The following CEP162 variants were observed in gnomAD, a reference collection of about 807,000 sequenced individuals.
CEP162 encodes the protein centrosomal protein 162.
A neutral mutation model predicts 169.2 loss-of-function variants in CEP162; 141 were observed. That is an observed-to-expected ratio of 0.83 (90% CI 0.73 to 0.96). The LOEUF (loss-of-function observed/expected upper bound fraction) is 0.96, where lower values mean the gene tolerates loss of function less well. CEP162 is among the 40% of genes least tolerant of loss of function. The pLI, the probability that CEP162 is intolerant of heterozygous loss-of-function variation, is 0.00. For missense variants in CEP162, 1,600 were observed against 1,587.2 expected (o/e 1.01, Z -0.14); for synonymous variants, 540 against 526.4 (o/e 1.03, Z -0.35).
intron 11 of CEP162, among the ~76,000 whole-genome samples, chr6:84,189,473 A>G (rs1037432175): frequency 1.1e-4 from 16 of 152,332 alleles, no homozygotes; most frequent in African/African-American, 3.6e-4. Flanking sequence ...GCAGCCAGCC[A>G]GCCCTGCTGG....
chr6:84,202,112 C>T (rs1312712389), intron 7 of CEP162, among the ~76,000 whole-genome samples: 1 of 152,176 alleles, frequency 6.6e-6, no homozygotes, highest in African/African-American at 2.4e-5. Context: ...AGAGCTATTT[C>T]ACACAAGAGT....
rs752799357 is a variant in CEP162 at position 84,125,025 on chromosome 6, A to C, written c.*45T>G. On this transcript the variant is annotated 3_prime_UTR_variant, in exon 27 of 27. Coordinates refer to ENST00000403245, the MANE Select transcript of CEP162 (RefSeq NM_014895.4). ...TCCTGACAGTGGCACAATCCCATCC[A>C]TCTTCAGGCCTTTTAATAAGGTCAT... The C allele has an allele frequency of 7.1e-7, 1 of 1,415,044 alleles. No individual in the cohort carries two copies. Among genetic ancestry groups the C allele is most frequent in the Non-Finnish European group, 9.9e-7 (1 of 1,010,026 alleles). The allele number at this position is 1,415,044 out of a possible 1,614,324, so 87.7% of individuals were successfully genotyped here.
chr6:84,188,124 T>C (rs554009324), intron 11 of CEP162, among the ~76,000 whole-genome samples: 54 of 142,804 alleles, frequency 3.8e-4, no homozygotes, highest in Non-Finnish European at 3.8e-4. Context: ...AAAAAAAGAG[T>C]GTCATCTTCA....
At chr6:84,133,356 C>A (rs968979710) in intron 25 of CEP162, among the ~76,000 whole-genome samples, 1 of 151,618 alleles carries the variant, frequency 6.6e-6, no homozygotes, top group Admixed American at 6.6e-5. Flanking sequence ...TCTCAAACTC[C>A]ATGCTGGGAG....
At chr6:84,167,845 GCTT>G (rs1388242038) in intron 18 of CEP162, among the ~76,000 whole-genome samples, 2 of 152,010 alleles carry the variant, frequency 1.3e-5, no homozygotes, top group Non-Finnish European at 2.9e-5. Flanking sequence ...TGACATCTCA[GCTT>G]CTTTTTTCCT....
chr6:84,144,306 A>C (rs965544797), intron 25 of CEP162, among the ~76,000 whole-genome samples: 8 of 152,076 alleles, frequency 5.3e-5, no homozygotes, highest in African/African-American at 1.9e-4. Context: ...CAAATGTTCC[A>C]GAAGTTGTAT....
rs187194078 is a variant in CEP162 at position 84,185,072 on chromosome 6, C to T, written c.1663+115G>A. On this transcript the variant is annotated intron_variant, in intron 13 of 26. Transcript: ENST00000403245. ...CACCTACACTGCCACCACCCTGGGT[C>T]AAGCCCTGTTGCCTCCTGCAAATTG... is the stretch of plus-strand genomic sequence containing the variant. 5,673 of 922,248 alleles carry T rather than the reference C, an allele frequency of 6.2e-3. 226 individuals carry two copies. The African/African-American group carries it at 0.085, about 14-fold the overall frequency. The allele number at this position is 922,248 out of a possible 1,614,324, so 57.1% of individuals were successfully genotyped here.
rs1324647963 is a variant in CEP162 at position 84,152,586 on chromosome 6, T to G, written c.3588A>C (p.Lys1196Asn). The stretch of plus-strand genomic sequence containing the variant: ...CAAATTGATTCATCACTGCTTCAGA[T>G]TTCATCTTCAGTTCATTCTTCTCTG... ...LISEKNELKM[K>N]SEAVMNQFEN... is the part of the protein sequence containing the mutation. Residue 1196 changes from lysine (K) to asparagine (N), a missense_variant, in exon 23 of 27, where the codon AAA (lysine) becomes AAC (asparagine). Lys to Asn is a moderately conservative substitution (Grantham distance 94). Coordinates refer to ENST00000403245, the MANE Select transcript of CEP162 (RefSeq NM_014895.4). 6.5e-7 allele frequency: 1 copy of G among 1,544,392 alleles called. No homozygotes were observed. Among genetic ancestry groups the G allele is most frequent in the Non-Finnish European group, 8.7e-7 (1 of 1,144,218 alleles).
intron 6 of CEP162, among the ~76,000 whole-genome samples, chr6:84,205,911 T>C (rs2099546729): frequency 6.7e-6 from 1 of 148,652 alleles, no homozygotes; most frequent in Non-Finnish European, 1.5e-5. Context: ...TCACAAACAT[T>C]CCTATACACC....
chr6:84,168,972 C>T (rs1280575530), intron 18 of CEP162, among the ~76,000 whole-genome samples: 1 of 152,130 alleles, frequency 6.6e-6, no homozygotes, highest in Non-Finnish European at 1.5e-5. Flanking sequence ...ATTTAGGCTG[C>T]ACGCTTTCAA....
chr6:84,222,526 C>T (rs191582651), intron 2 of CEP162, among the ~76,000 whole-genome samples: 1 of 152,362 alleles, frequency 6.6e-6, no homozygotes, highest in East Asian at 1.9e-4. Context: ...TCAGGATCTA[C>T]ACTCAGGTTA....
intron 24 of CEP162, among the ~76,000 whole-genome samples, chr6:84,147,178 C>T (rs751759658): frequency 2.8e-4 from 42 of 152,032 alleles, no homozygotes; most frequent in Non-Finnish European, 4.4e-4. Context: ...GAAATAATGT[C>T]ATACGCAGTT....
rs565581774 is a variant in CEP162, at chr6:84,139,155, G to T, written c.3870+7532C>A. Among the ~76,000 whole-genome samples, 3 of 152,248 alleles carry T rather than the reference G, an allele frequency of 2.0e-5. No homozygotes were observed. The South Asian group carries it at 6.2e-4, about 32-fold the overall frequency. On this transcript the variant is annotated intron_variant, in intron 25 of 26. Coordinates refer to ENST00000403245, the MANE Select transcript of CEP162 (RefSeq NM_014895.4). ...CCTCCTCTTTTTCTGCCTAAAAGTA[G>T]GAAATACATTTTCCTTTAGTGAAGA...
Position 84,171,659 on chromosome 6 carries a change from C to T in CEP162, c.2226G>A (p.Glu742=). 1 of 1,553,478 alleles carries T rather than the reference C, an allele frequency of 6.4e-7. No individual in the cohort carries two copies. Among genetic ancestry groups the T allele is most frequent in the Non-Finnish European group, 8.7e-7 (1 of 1,151,492 alleles). The change falls in exon 17 of 27, where the codon GAG becomes GAA. Residue 742 remains glutamate, a synonymous_variant. Transcript: ENST00000403245. ...KDLQEQNKKN[E]ERMFKENQSL... is the part of the protein sequence containing the mutation. Reference sequence around the variant, plus strand: ...TTTGGTTTTCCTTAAACATTCGCTCCTCATTTTTCTTGTTTTGTTCTTGGA... The same window carrying T: ...TTTGGTTTTCCTTAAACATTCGCTCTTCATTTTTCTTGTTTTGTTCTTGGA...
intron 11 of CEP162, among the ~76,000 whole-genome samples, chr6:84,190,998 G>C (rs77523363): frequency 6.6e-6 from 1 of 152,138 alleles, no homozygotes; most frequent in Non-Finnish European, 1.5e-5. Context: ...TAATGAGGTT[G>C]TTTTTTGCTT....
intron 13 of CEP162, among the ~76,000 whole-genome samples, chr6:84,182,312 T>G (rs1041045172): frequency 6.6e-6 from 1 of 152,106 alleles, no homozygotes; most frequent in Non-Finnish European, 1.5e-5. Context: ...TAAGCATATA[T>G]TAAGAATTTT....
intron 16 of CEP162, among the ~76,000 whole-genome samples, chr6:84,173,111 T>G (rs1448119103): frequency 1.3e-5 from 2 of 152,212 alleles, no homozygotes; most frequent in Non-Finnish European, 2.9e-5. Context: ...CAGCCAATAC[T>G]GTCTACTGAA....
At chr6:84,217,929 C>G (rs532800476) in intron 3 of CEP162, 1 of 152,168 alleles carries the variant, frequency 6.6e-6, no homozygotes, top group South Asian at 2.1e-4. Flanking sequence ...GAAGAACGGT[C>G]TAGAAACAGC....
rs745363326 is a variant in CEP162 at position 84,161,895 on chromosome 6, C to T, written c.2527G>A (p.Glu843Lys). ...TGTGTTTCTTCTAAAATTTTTATTTCATATAATTTCTCACCTATAAGATAC... is the reference window on the plus strand; with the variant it reads ...TGTGTTTCTTCTAAAATTTTTATTTTATATAATTTCTCACCTATAAGATAC... Reference protein sequence around the residue: ...IAYVTGEKLYEIKILEETHKQ... With the variant: ...IAYVTGEKLYKIKILEETHKQ... Residue 843 changes from glutamate (E) to lysine (K), a missense_variant, in exon 20 of 27, where the codon GAA (glutamate) becomes AAA (lysine). Transcript: ENST00000403245. The T allele has an allele frequency of 4.6e-6, 7 of 1,533,666 alleles. No homozygotes were observed. The South Asian group carries it at 4.8e-5, about 10-fold the overall frequency.
Sources: gnomAD v4.1 joint callset for allele counts (sites outside exome capture counted in the v4.1 genomes callset) on GRCh38, gnomAD v4.1.1 for gene constraint, MANE v1.5 for transcripts, NCBI Gene and HGNC (gene_info 2026-07-23, HGNC 2026-07-21) for gene names.